Variants in KHDRBS1 observed in about 807,000 individuals in gnomAD.
The protein encoded by KHDRBS1 is KH domain-containing, RNA-binding, signal transduction-associated protein 1.
KHDRBS1 carries 7 observed loss-of-function variants against 48.4 expected under a neutral mutation model. The ratio of observed to expected loss-of-function variants is 0.14; its 90% confidence interval spans 0.08 to 0.27. KHDRBS1 has a LOEUF of 0.27. Ranked by LOEUF, KHDRBS1 falls within the 10% of genes least tolerant of loss-of-function variation. The probability of loss-of-function intolerance (pLI) is 1.00; values close to 1 mark genes in which losing one functional copy is unlikely to be tolerated. For missense variants in KHDRBS1, 458 were observed against 601.2 expected, an observed-to-expected ratio of 0.76 and a Z score of 2.49; for synonymous variants, 241 against 235.8, an observed-to-expected ratio of 1.02 and a Z score of -0.20.
intron 1 of KHDRBS1, among the ~76,000 whole-genome samples, chr1:32,015,978 A>G (rs933724351): frequency 2.6e-5 from 4 of 152,308 alleles, no homozygotes; most frequent in African/African-American, 9.6e-5. Flanking sequence ...CAGGAGTTGG[A>G]GACCAGCCTG....
At chr1:32,018,774 C>CA (rs1489020582) in intron 1 of KHDRBS1, among the ~76,000 whole-genome samples, 3 of 144,562 alleles carry the variant, frequency 2.1e-5, no homozygotes, top group Admixed American at 1.4e-4. Flanking sequence ...AACAAACAAA[C>CA]AAACTGGAGA....
At chr1:32,014,908 A>G (rs1169731478) in intron 1 of KHDRBS1, among the ~76,000 whole-genome samples, 1 of 152,190 alleles carries the variant, frequency 6.6e-6, no homozygotes, top group African/African-American at 2.4e-5. Flanking sequence ...CTTAGCGGTA[A>G]CCGCAGCTTA....
intron 1 of KHDRBS1, among the ~76,000 whole-genome samples, chr1:32,015,030 G>C (rs970237892): frequency 2.2e-4 from 34 of 152,198 alleles, no homozygotes; most frequent in African/African-American, 7.7e-4. Flanking sequence ...TTTACACCGT[G>C]TGTTCACTGT....
intron 10 of KHDRBS1, among the ~76,000 whole-genome samples, chr1:32,054,819 G>A (rs1275477961): frequency 6.6e-6 from 1 of 152,122 alleles, no homozygotes; most frequent in Non-Finnish European, 1.5e-5. Flanking sequence ...TGTATTTTAT[G>A]TGTGCCCCAA....
chr1:32,013,901 C>A lies in KHDRBS1; in HGVS notation c.-95C>A. On this transcript the variant is annotated 5_prime_UTR_variant, in exon 1 of 9. Coordinates refer to ENST00000327300, the MANE Select transcript of KHDRBS1 (RefSeq NM_006559.3). ...GGGTCGCTCGGGTCGGCTTCGGTCG[C>A]TACCGCTCCCGCTCTGCCACCCCCG... is the stretch of plus-strand genomic sequence containing the variant. The A allele has an allele frequency of 8.1e-7, 1 of 1,230,724 alleles. No individual in the cohort carries two copies. The highest frequency in any genetic ancestry group is 1.0e-6 in the Non-Finnish European group (1 of 959,480). The allele number at this position is 1,230,724 out of a possible 1,614,324, so 76.2% of individuals were successfully genotyped here.
Position 32,039,654 on chromosome 1 carries a change from A to G in KHDRBS1, c.1234+81A>G, listed in dbSNP as rs1294939219. 5.0e-6 allele frequency: 4 copies of G among 800,210 alleles called. No homozygotes were observed. The East Asian group carries it at 7.3e-5, about 15-fold the overall frequency. 49.6% of individuals were successfully genotyped at this position (800,210 alleles called of 1,614,324 possible). On this transcript the variant is annotated intron_variant, in intron 8 of 8. Coordinates refer to ENST00000327300, the MANE Select transcript of KHDRBS1 (RefSeq NM_006559.3). The stretch of plus-strand genomic sequence containing the variant: ...GCTGGTGACTAAAGTATTGAGAGTC[A>G]GACAAACACACCTACGGATAAACCT...
intron 1 of KHDRBS1, among the ~76,000 whole-genome samples, chr1:32,015,755 T>A (rs779671622): frequency 2.6e-5 from 4 of 152,194 alleles, no homozygotes; most frequent in Non-Finnish European, 5.9e-5. Context: ...TGGATAAGTG[T>A]TAATATATGT....
rs1469862355 is a variant in KHDRBS1, at chr1:32,060,118, C to A, written n.1302-45C>A. 2.6e-5 allele frequency: 4 copies of A among 152,182 alleles called. No individual in the cohort carries two copies. In the East Asian group the frequency reaches 7.7e-4, roughly 29 times the overall value. 9.4% of individuals were successfully genotyped at this position (152,182 alleles called of 1,614,324 possible). ...TGGTCAGGTGGGAGGCTGGGAAGCC[C>A]CCTAATAGGGAGCTTTCTTAATTTT... On this transcript the variant is annotated intron_variant and non_coding_transcript_variant, in intron 10 of 10. Coordinates refer to the KHDRBS1 transcript ENST00000484270.
chr1:32,023,241 T>C (rs1638897429), intron 1 of KHDRBS1, among the ~76,000 whole-genome samples: 1 of 152,146 alleles, frequency 6.6e-6, no homozygotes, highest in African/African-American at 2.4e-5. Flanking sequence ...AAGGTTAAGT[T>C]ATAGTAAAAG....
chr1:32,027,141 A>G (rs1325023683), intron 1 of KHDRBS1, among the ~76,000 whole-genome samples: 3 of 152,086 alleles, frequency 2.0e-5, no homozygotes, highest in Admixed American at 2.0e-4. Flanking sequence ...CACGTTGGCC[A>G]GGCTGGTCTC....
chr1:32,014,582 A>C (rs975465718), intron 1 of KHDRBS1, among the ~76,000 whole-genome samples: 1 of 152,208 alleles, frequency 6.6e-6, no homozygotes. Flanking sequence ...TGGAGGCCCG[A>C]AGGCGACTTT....
At chr1:32,025,698 T>C (rs1185451626) in intron 1 of KHDRBS1, among the ~76,000 whole-genome samples, 2 of 132,556 alleles carry the variant, frequency 1.5e-5, no homozygotes, top group Non-Finnish European at 3.2e-5. Flanking sequence ...CTGCCTCCCT[T>C]CCTGCCCCCT....
rs373475108 is a variant in KHDRBS1, at chr1:32,031,623, A to G, written c.607A>G (p.Met203Val). The G allele has an allele frequency of 1.2e-6, 2 of 1,607,562 alleles. No individual in the cohort carries two copies. The highest frequency in any genetic ancestry group is 1.7e-6 in the Non-Finnish European group (2 of 1,177,084). Residue 203 changes from methionine to valine, a missense_variant, in exon 3 of 9, where the codon ATG becomes GTG. Physicochemically the swap from Met to Val is conservative, Grantham distance 21. This residue lies in a region of KHDRBS1 where 74 missense variants were observed against 156.9 expected (regional missense o/e 0.47). Transcript: ENST00000327300. ...GATCTCTGTATTGGGAAAGGGCTCA[A>G]TGAGAGACAAAGCCAAGGTAAGCTC... ...AKISVLGKGSMRDKAKEEELR... is the reference protein window; with the variant it reads ...AKISVLGKGSVRDKAKEEELR...
chr1:32,052,337 GAAAGAAAGAAAAGAAAA>G (rs1046896878), intron 10 of KHDRBS1: 1 of 149,988 alleles, frequency 6.7e-6, no homozygotes, highest in Admixed American at 6.6e-5. Flanking sequence ...AGAAAGAAAG[GAAAGAAAGAAAAGAAAA>G]AAAGAAAGAA....
chr1:32,026,783 C>T (rs764675504), intron 1 of KHDRBS1, among the ~76,000 whole-genome samples: 14 of 152,128 alleles, frequency 9.2e-5, no homozygotes, highest in Non-Finnish European at 1.9e-4. Context: ...AATGAAGTAT[C>T]TAATTTGTTC....
intron 3 of KHDRBS1, among the ~76,000 whole-genome samples, chr1:32,032,186 G>A (rs577195672): frequency 9.2e-5 from 14 of 152,030 alleles, no homozygotes; most frequent in Non-Finnish European, 2.1e-4. Flanking sequence ...TGCCATAGCC[G>A]CGTACGCTGT....
intron 4 of KHDRBS1, among the ~76,000 whole-genome samples, chr1:32,034,016 T>A (rs1260092933): frequency 1.3e-5 from 2 of 152,250 alleles, no homozygotes; most frequent in Non-Finnish European, 2.9e-5. Flanking sequence ...GAAATGGTAC[T>A]ATTTTTGCCT....
At chr1:32,038,160 T>C (rs958618729) in intron 6 of KHDRBS1, 124 bp downstream of exon 6, 1 of 1,437,914 alleles carries the variant, frequency 7.0e-7, no homozygotes, top group Non-Finnish European at 9.4e-7. Flanking sequence ...CAATCTGCCC[T>C]CTTCTCTTGC....
rs1638972065 is a variant in KHDRBS1 at position 32,026,427 on chromosome 1, AG to A, written c.383-3870del. 2.0e-5 allele frequency among the ~76,000 whole-genome samples: 3 copies of A among 152,136 alleles called. No individual in the cohort carries two copies. The South Asian group carries it at 6.2e-4, about 31-fold the overall frequency. On this transcript the variant is annotated intron_variant, in intron 1 of 8. Coordinates refer to ENST00000327300, the MANE Select transcript of KHDRBS1 (RefSeq NM_006559.3). ...TCTGCCTCAGCTTCCCCAAATGCTG[AG>A]ATTACAAGTGTGAGCCACCATGCCT...
Sources: gnomAD v4.1 joint callset for allele counts (sites outside exome capture counted in the v4.1 genomes callset) on GRCh38, gnomAD v4.1.1 for gene constraint, gnomAD v4.1.1 regional missense constraint, MANE v1.5 for transcripts, NCBI Gene and HGNC (gene_info 2026-07-23, HGNC 2026-07-21) for gene names.